Variants in TMEM108 observed in about 807,000 individuals in gnomAD.
TMEM108 encodes the protein cancer/testis antigen 124.
A neutral mutation model predicts 35.1 loss-of-function variants in TMEM108; 12 were observed. That is an observed-to-expected ratio of 0.34 (90% CI 0.22 to 0.55). The LOEUF (loss-of-function observed/expected upper bound fraction) is 0.55, where lower values mean the gene tolerates loss of function less well. TMEM108 is among the 20% of genes least tolerant of loss of function. The pLI is 0.89. For missense variants in TMEM108, 680 were observed against 753.3 expected, an observed-to-expected ratio of 0.90 and a Z score of 1.14; for synonymous variants, 287 against 308.6, an observed-to-expected ratio of 0.93 and a Z score of 0.73.
chr3:133,197,040 T>C lies in TMEM108; in HGVS notation c.-46-32226T>C, dbSNP rs1054256923. The stretch of plus-strand genomic sequence containing the variant: ...AAAACGATGTATTAGTAATGTCTTC[T>C]ATGGAAATCAATGTGCTGATGATAA... On this transcript the variant is annotated intron_variant, in intron 2 of 5. Transcript: ENST00000321871. 4.6e-5 allele frequency among the ~76,000 whole-genome samples: 7 copies of C among 152,208 alleles called. 1 individual carries two copies. The highest frequency in any genetic ancestry group is 1.0e-4 in the Non-Finnish European group (7 of 68,040).
chr3:133,069,532 A>G (rs556266441), intron 2 of TMEM108, among the ~76,000 whole-genome samples: 1 of 152,154 alleles, frequency 6.6e-6, no homozygotes, highest in Non-Finnish European at 1.5e-5. Context: ...AAGGTCTTAC[A>G]GGAACTTAAG....
At chr3:133,354,677 T>C (rs2072108251) in intron 3 of TMEM108, among the ~76,000 whole-genome samples, 1 of 152,026 alleles carries the variant, frequency 6.6e-6, no homozygotes, top group Non-Finnish European at 1.5e-5. Context: ...CACCCCATCA[T>C]GCACCCCCTC....
chr3:133,080,987 A>G (rs557830773), intron 2 of TMEM108, among the ~76,000 whole-genome samples: 1 of 152,114 alleles, frequency 6.6e-6, no homozygotes, highest in Non-Finnish European at 1.5e-5. Flanking sequence ...CTTTAAGCTG[A>G]CCAGATGGGT....
chr3:133,104,743 G>T (rs1002758517), intron 2 of TMEM108, among the ~76,000 whole-genome samples: 2 of 152,146 alleles, frequency 1.3e-5, no homozygotes, highest in African/African-American at 4.8e-5. Flanking sequence ...AAAACTCTCA[G>T]TGTTCTCTAG....
At chr3:133,243,102 G>T (rs1946335574) in intron 3 of TMEM108, among the ~76,000 whole-genome samples, 1 of 152,186 alleles carries the variant, frequency 6.6e-6, no homozygotes, top group Admixed American at 6.5e-5. Context: ...GAGATGGAAG[G>T]GCTGGAAGCT....
At chr3:133,099,179 A>G (rs1357579297) in intron 2 of TMEM108, among the ~76,000 whole-genome samples, 1 of 152,170 alleles carries the variant, frequency 6.6e-6, no homozygotes, top group Middle Eastern at 3.2e-3. Flanking sequence ...TCAACACCAC[A>G]TGGAAGCTGC....
intron 3 of TMEM108, among the ~76,000 whole-genome samples, chr3:133,309,515 C>G (rs1033370836): frequency 5.9e-5 from 9 of 151,966 alleles, no homozygotes; most frequent in Non-Finnish European, 1.5e-5. Flanking sequence ...ATAAATTTCC[C>G]TCTACACACT....
At chr3:133,292,991 G>A (rs1947094531) in intron 3 of TMEM108, among the ~76,000 whole-genome samples, 1 of 152,126 alleles carries the variant, frequency 6.6e-6, no homozygotes, top group African/African-American at 2.4e-5. Flanking sequence ...TGATGTCTTA[G>A]GTGAATGGAG....
At chr3:133,189,284 G>T in intron 2 of TMEM108, among the ~76,000 whole-genome samples, 1 of 152,170 alleles carries the variant, frequency 6.6e-6, no homozygotes, top group East Asian at 1.9e-4. Context: ...TCTTTGGAAG[G>T]AGATGACCTT....
chr3:133,139,666 A>T (rs1000889881), intron 2 of TMEM108, among the ~76,000 whole-genome samples: 18 of 152,254 alleles, frequency 1.2e-4, no homozygotes, highest in African/African-American at 3.9e-4. Context: ...AGATAAGGGG[A>T]TCTTTAAAAG....
At chr3:133,381,432 G>GA (rs112263787) in intron 4 of TMEM108, among the ~76,000 whole-genome samples, 4,690 of 152,054 alleles carry the variant, frequency 0.031, 229 homozygotes, top group African/African-American at 0.11. Context: ...GCATTTTGCA[G>GA]AAAAAAAATG....
intron 3 of TMEM108, among the ~76,000 whole-genome samples, chr3:133,310,468 G>T (rs1413713665): frequency 7.5e-6 from 1 of 132,532 alleles, no homozygotes; most frequent in Non-Finnish European, 1.6e-5. Flanking sequence ...GGCCTTCTTT[G>T]TCTCTTTTGG....
At chr3:133,120,856 G>T (rs1163178038) in intron 2 of TMEM108, 1 of 152,146 alleles carries the variant, frequency 6.6e-6, no homozygotes, top group African/African-American at 2.4e-5. Flanking sequence ...TGAAATGAGT[G>T]TTTTTATTAT....
intron 3 of TMEM108, among the ~76,000 whole-genome samples, chr3:133,374,284 G>A (rs886384638): frequency 6.6e-6 from 1 of 152,136 alleles, no homozygotes; most frequent in African/African-American, 2.4e-5. Flanking sequence ...CACACCAAGA[G>A]TCCAGGATGG....
intron 3 of TMEM108, among the ~76,000 whole-genome samples, chr3:133,351,580 T>C (rs1470623158): frequency 6.6e-6 from 1 of 152,096 alleles, no homozygotes; most frequent in Non-Finnish European, 1.5e-5. Context: ...ATGATGATAC[T>C]CTAGGAAGGA....
At chr3:133,343,470 C>G (rs2071723718) in intron 3 of TMEM108, among the ~76,000 whole-genome samples, 1 of 151,806 alleles carries the variant, frequency 6.6e-6, no homozygotes, top group African/African-American at 2.4e-5. Flanking sequence ...TGTTAAGAAC[C>G]AAGATGTCCT....
At position 133,282,835 on chromosome 3, in the gene TMEM108, T is replaced by A. The variant is rs146969996; in HGVS notation, c.40+53484T>A. ...CATAAAGAAAGAAATTATTTGATTT[T>A]AAAAAAAAAGTACCACTATTTAAGG... is the stretch of plus-strand genomic sequence containing the variant. On this transcript the variant is annotated intron_variant, in intron 3 of 5. Coordinates refer to ENST00000321871, the MANE Select transcript of TMEM108 (RefSeq NM_023943.4). Among the ~76,000 whole-genome samples the A allele has an allele frequency of 9.8e-3, 1,485 of 151,654 alleles. 21 individuals carry two copies. The highest frequency in any genetic ancestry group is 0.033 in the African/African-American group (1,376 of 41,400).
intron 2 of TMEM108, among the ~76,000 whole-genome samples, chr3:133,090,884 TTTA>T (rs766190164): frequency 7.9e-5 from 12 of 152,196 alleles, no homozygotes; most frequent in African/African-American, 2.9e-4. Flanking sequence ...GCTCCCAGAA[TTTA>T]TTAACATACT....
chr3:133,047,368 A>T (rs1211042617), intron 2 of TMEM108, among the ~76,000 whole-genome samples: 1 of 152,248 alleles, frequency 6.6e-6, no homozygotes, highest in Admixed American at 6.5e-5. Flanking sequence ...TGTCAGAAAT[A>T]GCACTTGGCT....
Sources: allele counts gnomAD v4.1 joint callset (sites outside exome capture counted in the v4.1 genomes callset), GRCh38; gene constraint gnomAD v4.1.1; transcripts MANE v1.5; gene names NCBI Gene and HGNC (gene_info 2026-07-23, HGNC 2026-07-21).